ARL15: variants seen among roughly 807,000 people sequenced by gnomAD.
ARL15 encodes the protein ARF like GTPase 15.
In ARL15, 19 loss-of-function variants were observed where a neutral mutation model predicts 25.2. That is an observed-to-expected ratio of 0.75 (90% CI 0.53 to 1.10). The LOEUF (loss-of-function observed/expected upper bound fraction) is 1.10. Ranked by LOEUF, ARL15 falls within the 50% of genes least tolerant of loss-of-function variation. The probability of loss-of-function intolerance (pLI) is 0.00; values close to 1 mark genes in which losing one functional copy is unlikely to be tolerated. For missense variants in ARL15, 220 were observed against 246.0 expected, an observed-to-expected ratio of 0.89 and a Z score of 0.71; for synonymous variants, 94 against 86.8, an observed-to-expected ratio of 1.08 and a Z score of -0.46.
chr5:54,043,846 T>TA (rs34949977), intron 4 of ARL15, among the ~76,000 whole-genome samples: 7,269 of 143,058 alleles, frequency 0.051, 477 homozygotes, highest in African/African-American at 0.16. Flanking sequence ...CCCCATCTCT[T>TA]AAAAAAAAAA....
intron 1 of ARL15, among the ~76,000 whole-genome samples, chr5:54,203,814 T>G (rs978245986): frequency 5.3e-5 from 8 of 152,104 alleles, no homozygotes; most frequent in Non-Finnish European, 8.8e-5. Flanking sequence ...ACAAAAAGGG[T>G]TGGTTGGTTG....
chr5:53,900,103 G>A (rs2111935023), intron 4 of ARL15, among the ~76,000 whole-genome samples: 1 of 152,314 alleles, frequency 6.6e-6, no homozygotes, highest in African/African-American at 2.4e-5. Flanking sequence ...CTAAAAAGAT[G>A]AAGAGGATTT....
intron 3 of ARL15, among the ~76,000 whole-genome samples, chr5:54,125,402 A>AT (rs1753217525): frequency 6.6e-6 from 1 of 152,180 alleles, no homozygotes; most frequent in Non-Finnish European, 1.5e-5. Flanking sequence ...AATTGAGTGT[A>AT]TTCTCTCACC....
At chr5:54,120,596 C>G (rs1217975595) in intron 3 of ARL15, among the ~76,000 whole-genome samples, 2 of 152,200 alleles carry the variant, frequency 1.3e-5, no homozygotes, top group South Asian at 4.1e-4. Context: ...CAAAAGCCAA[C>G]AGCTGACTCC....
chr5:54,225,945 C>G (rs1040510561), intron 1 of ARL15, among the ~76,000 whole-genome samples: 7 of 152,048 alleles, frequency 4.6e-5, no homozygotes. Context: ...GAAGAAGGAT[C>G]GAAAACTAAA....
At chr5:54,116,522 GCA>G (rs1284815576) in intron 3 of ARL15, among the ~76,000 whole-genome samples, 2 of 152,202 alleles carry the variant, frequency 1.3e-5, no homozygotes, top group Non-Finnish European at 1.5e-5. Context: ...GATGTGCAGT[GCA>G]CAGTTTTCAT....
At position 53,937,133 on chromosome 5, in the gene ARL15, C is replaced by T. The variant is rs186300334; in HGVS notation, c.463-50420G>A. ...AGCCTTGCCAAGAGTTCTCCGTCCC[C>T]GGAGGCTCGGTGTCAATGGCTTTCA... is the stretch of plus-strand genomic sequence containing the variant. On this transcript the variant is annotated intron_variant, in intron 4 of 4. Coordinates refer to ENST00000504924, the MANE Select transcript of ARL15 (RefSeq NM_019087.3). Among the ~76,000 whole-genome samples the T allele has an allele frequency of 1.7e-3, 262 of 152,250 alleles. 2 individuals are homozygous for T. Among genetic ancestry groups the T allele is most frequent in the African/African-American group, 5.9e-3 (244 of 41,566 alleles).
At chr5:54,173,980 C>T (rs1754790974) in intron 1 of ARL15, among the ~76,000 whole-genome samples, 1 of 152,096 alleles carries the variant, frequency 6.6e-6, no homozygotes, top group Non-Finnish European at 1.5e-5. Flanking sequence ...CTTAATCATC[C>T]CATCCTCAGG....
At chr5:54,131,949 A>C (rs961955422) in intron 3 of ARL15, among the ~76,000 whole-genome samples, 2 of 152,148 alleles carry the variant, frequency 1.3e-5, no homozygotes, top group Non-Finnish European at 2.9e-5. Flanking sequence ...AGAAATTAGT[A>C]AGAGGTACTG....
In ARL15 at chr5:54,030,991, A is replaced by G. The variant is rs554028356; in HGVS notation, c.462+82211T>C. 5.2e-3 allele frequency among the ~76,000 whole-genome samples: 796 copies of G among 152,322 alleles called. 3 individuals carry two copies. Among genetic ancestry groups the G allele is most frequent in the Admixed American group, 0.011 (174 of 15,302 alleles). ...GCCACCTGGAAACCACTGTAAATGCAAGTAGCACATACTTAGAGTCTGCTT... is the reference window on the plus strand; with the variant it reads ...GCCACCTGGAAACCACTGTAAATGCGAGTAGCACATACTTAGAGTCTGCTT... On this transcript the variant is annotated intron_variant, in intron 4 of 4. Transcript: ENST00000504924.
At chr5:54,090,249 T>C (rs529945683) in intron 4 of ARL15, among the ~76,000 whole-genome samples, 1 of 152,244 alleles carries the variant, frequency 6.6e-6, no homozygotes, top group South Asian at 2.1e-4. Flanking sequence ...TAAAGACGAA[T>C]AAACCATAGC....
chr5:54,015,560 G>C (rs1164369356), intron 4 of ARL15, among the ~76,000 whole-genome samples: 1 of 152,132 alleles, frequency 6.6e-6, no homozygotes, highest in Non-Finnish European at 1.5e-5. Context: ...CAGAACTTTA[G>C]AGTTGGGACA....
intron 2 of ARL15, among the ~76,000 whole-genome samples, chr5:54,171,319 T>C (rs1440364937): frequency 6.6e-6 from 1 of 152,060 alleles, no homozygotes; most frequent in Non-Finnish European, 1.5e-5. Context: ...CAGGAAGCAA[T>C]AGGGGAAGGC....
At chr5:54,195,082 T>C (rs2112466350) in intron 1 of ARL15, among the ~76,000 whole-genome samples, 1 of 152,292 alleles carries the variant, frequency 6.6e-6, no homozygotes, top group East Asian at 1.9e-4. Context: ...ATATCATTCT[T>C]ATTTCTCAAG....
chr5:54,274,624 C>G (rs772042691), intron 1 of ARL15, among the ~76,000 whole-genome samples: 10 of 152,300 alleles, frequency 6.6e-5, no homozygotes, highest in Non-Finnish European at 1.5e-4. Context: ...TTAGGTCAGG[C>G]TCGGCGGCTC....
intron 1 of ARL15, among the ~76,000 whole-genome samples, chr5:54,276,318 A>G (rs1757929154): frequency 6.6e-6 from 1 of 152,244 alleles, no homozygotes; most frequent in South Asian, 2.1e-4. Context: ...ATAAACAGGT[A>G]CAGTTAATAC....
At chr5:54,156,959 A>G (rs377597465) in intron 2 of ARL15, among the ~76,000 whole-genome samples, 1 of 152,216 alleles carries the variant, frequency 6.6e-6, no homozygotes, top group Admixed American at 6.5e-5. Context: ...CACCTGCAGG[A>G]GACTTGGATG....
At chr5:54,055,912 C>T (rs931089582) in intron 4 of ARL15, among the ~76,000 whole-genome samples, 8 of 152,110 alleles carry the variant, frequency 5.3e-5, no homozygotes, top group Admixed American at 1.3e-4. Flanking sequence ...GCTCCCCAGA[C>T]GCGGGGACAA....
intron 1 of ARL15, among the ~76,000 whole-genome samples, chr5:54,268,250 T>A (rs912846388): frequency 2.0e-4 from 31 of 152,306 alleles, no homozygotes; most frequent in African/African-American, 7.2e-4. Flanking sequence ...TTCTTCCAGT[T>A]GATCGCATCG....
Sources: gnomAD v4.1 joint callset for allele counts (sites outside exome capture counted in the v4.1 genomes callset) on GRCh38, gnomAD v4.1.1 for gene constraint, MANE v1.5 for transcripts, NCBI Gene and HGNC (gene_info 2026-07-23, HGNC 2026-07-21) for gene names.